The following BANK1 variants were observed in gnomAD, a reference collection of about 807,000 sequenced individuals.
BANK1 encodes the protein B cell scaffold protein with ankyrin repeats 1.
Under a neutral mutation model 94.5 loss-of-function variants are expected in BANK1, and 95 were observed. The observed-to-expected ratio is 1.00, with a 90% CI of 0.85 to 1.19. The LOEUF is 1.19. Among genes scored for constraint, BANK1 ranks in the 50% most tolerant of loss-of-function variants. BANK1 has a pLI of 0.00. For missense variants in BANK1, 987 were observed against 932.2 expected (o/e 1.06, Z -0.77); for synonymous variants, 334 against 308.4 (o/e 1.08, Z -0.87).
At chr4:102,025,556 T>C (rs746485779) in intron 9 of BANK1, 47 bp downstream of exon 9, 47 of 1,561,612 alleles carry the variant, frequency 3.0e-5, no homozygotes, top group Non-Finnish European at 4.0e-5. Context: ...AGACAAATCT[T>C]TGACAGGCTT....
intron 7 of BANK1, among the ~76,000 whole-genome samples, chr4:101,970,962 A>G (rs754605638): frequency 4.0e-5 from 6 of 151,576 alleles, no homozygotes; most frequent in Admixed American, 6.6e-5. Flanking sequence ...CACTTGTGTC[A>G]TAGCGTGCAG....
chr4:101,900,313 G>T (rs1284431000), intron 6 of BANK1, among the ~76,000 whole-genome samples: 1 of 152,142 alleles, frequency 6.6e-6, no homozygotes, highest in Admixed American at 6.5e-5. Context: ...ATAGTGATAA[G>T]GGTTATGAGA....
chr4:101,936,559 T>A (rs1335011366), intron 7 of BANK1, among the ~76,000 whole-genome samples: 1 of 150,528 alleles, frequency 6.6e-6, no homozygotes, highest in Non-Finnish European at 1.5e-5. Context: ...TATACATATA[T>A]GTATATGTAT....
chr4:101,893,803 T>G (rs745729889), intron 5 of BANK1, among the ~76,000 whole-genome samples: 6 of 152,094 alleles, frequency 3.9e-5, no homozygotes, highest in Non-Finnish European at 5.9e-5. Flanking sequence ...TTATAGATGT[T>G]TCCACATTAA....
intron 13 of BANK1, 51 bp downstream of exon 13, chr4:102,063,189 A>C (rs1429699607): frequency 1.3e-6 from 2 of 1,520,238 alleles, no homozygotes; most frequent in South Asian, 2.3e-5. Context: ...TTACGTTGAA[A>C]ATTCAAGGAC....
chr4:101,929,868 T>A (rs1450643399), intron 7 of BANK1, among the ~76,000 whole-genome samples: 6 of 151,458 alleles, frequency 4.0e-5, no homozygotes, highest in South Asian at 2.1e-4. Context: ...GTAAAAAAAA[T>A]TTAATTGAAG....
At chr4:101,802,855 C>T (rs569888988) in intron 1 of BANK1, among the ~76,000 whole-genome samples, 3 of 152,210 alleles carry the variant, frequency 2.0e-5, no homozygotes, top group East Asian at 3.9e-4. Context: ...TTGACTTGTA[C>T]TTTTGTTACC....
At chr4:101,903,574 T>C (rs1347271316) in intron 6 of BANK1, among the ~76,000 whole-genome samples, 2 of 152,166 alleles carry the variant, frequency 1.3e-5, no homozygotes, top group Non-Finnish European at 2.9e-5. Context: ...CTATTCAATT[T>C]ATTTGAGCTC....
chr4:101,863,964 G>T (rs1727976453), intron 4 of BANK1, among the ~76,000 whole-genome samples: 1 of 152,042 alleles, frequency 6.6e-6, no homozygotes, highest in Admixed American at 6.6e-5. Flanking sequence ...AAGAATTTTT[G>T]CTCAGTATAC....
chr4:101,873,497 C>G (rs957934250), intron 5 of BANK1, among the ~76,000 whole-genome samples: 1 of 151,982 alleles, frequency 6.6e-6, no homozygotes, highest in African/African-American at 2.4e-5. Context: ...TAATAAGAGA[C>G]CTTGTATTAT....
intron 7 of BANK1, among the ~76,000 whole-genome samples, chr4:101,958,455 C>T (rs1724444243): frequency 7.1e-6 from 1 of 139,980 alleles, no homozygotes; most frequent in African/African-American, 2.6e-5. Context: ...TTGCAGACTG[C>T]CCCCCATGCT....
rs555957372 is a variant in BANK1, at chr4:101,944,866, G to C, written c.1206+26677G>C. ...AGAGTGATTAAAGTTTGCATGTGGA[G>C]TGAGTGTTTGCATTCCAAAGACCTG... On this transcript the variant is annotated intron_variant, in intron 7 of 16. Transcript: ENST00000322953. Among the ~76,000 whole-genome samples the C allele has an allele frequency of 7.2e-5, 11 of 152,126 alleles. No individual in the cohort carries two copies. The South Asian group carries it at 1.9e-3, about 26-fold the overall frequency.
At chr4:101,939,679 G>A (rs961263713) in intron 7 of BANK1, among the ~76,000 whole-genome samples, 1 of 151,678 alleles carries the variant, frequency 6.6e-6, no homozygotes. Context: ...TACAAGGAAT[G>A]AGAAATGTAG....
intron 2 of BANK1, among the ~76,000 whole-genome samples, chr4:101,845,181 T>C (rs1727198089): frequency 6.6e-6 from 1 of 152,116 alleles, no homozygotes; most frequent in Non-Finnish European, 1.5e-5. Context: ...ATGTATTGCA[T>C]GCTTGTACCA....
chr4:101,796,433 A>G (rs1374088630), intron 1 of BANK1, among the ~76,000 whole-genome samples: 1 of 152,162 alleles, frequency 6.6e-6, no homozygotes, highest in Non-Finnish European at 1.5e-5. Flanking sequence ...GATGTCTTCT[A>G]CGTATCTTCC....
intron 7 of BANK1, among the ~76,000 whole-genome samples, chr4:101,937,580 T>C (rs1020539296): frequency 1.8e-4 from 28 of 151,774 alleles, no homozygotes; most frequent in East Asian, 5.9e-4. Context: ...CATTAAAAAG[T>C]CAGGAAACAA....
intron 7 of BANK1, among the ~76,000 whole-genome samples, chr4:102,017,075 T>C (rs1726727848): frequency 6.6e-6 from 1 of 152,234 alleles, no homozygotes; most frequent in Admixed American, 6.5e-5. Flanking sequence ...CAAGTTTTAG[T>C]GTGATACATT....
At chr4:101,877,714 A>C (rs1728541250) in intron 5 of BANK1, among the ~76,000 whole-genome samples, 1 of 151,906 alleles carries the variant, frequency 6.6e-6, no homozygotes, top group Non-Finnish European at 1.5e-5. Flanking sequence ...GTGAAACTCC[A>C]TCTCTACTAA....
At chr4:102,068,846 C>T (rs1728673384) in intron 13 of BANK1, among the ~76,000 whole-genome samples, 2 of 150,800 alleles carry the variant, frequency 1.3e-5, no homozygotes, top group South Asian at 4.2e-4. Context: ...AAAAAAGATA[C>T]TAAGAAAATA....
Sources: allele counts gnomAD v4.1 joint callset (sites outside exome capture counted in the v4.1 genomes callset), GRCh38; gene constraint gnomAD v4.1.1; transcripts MANE v1.5; gene names NCBI Gene and HGNC (gene_info 2026-07-23, HGNC 2026-07-21).